PIP5K1C: variants seen among roughly 807,000 people sequenced by gnomAD.
The protein encoded by PIP5K1C is phosphatidylinositol 4-phosphate 5-kinase type-1 gamma.
PIP5K1C carries 45 observed loss-of-function variants against 80.1 expected under a neutral mutation model. That is an observed-to-expected ratio of 0.56 (90% CI 0.44 to 0.72). The LOEUF (loss-of-function observed/expected upper bound fraction) is 0.72, where lower values mean the gene tolerates loss of function less well. PIP5K1C is among the 30% of genes least tolerant of loss of function. The probability of loss-of-function intolerance (pLI) is 0.00; values close to 1 mark genes in which losing one functional copy is unlikely to be tolerated. For synonymous variants in PIP5K1C, 498 were observed against 420.1 expected (o/e 1.19, Z -2.27); for missense variants, 753 against 954.6 (o/e 0.79, Z 2.78).
rs759062696 is a variant in PIP5K1C at position 3,642,932 on chromosome 19, T to G, written c.1657A>C (p.Thr553Pro). 1 of 1,613,506 alleles carries G rather than the reference T, an allele frequency of 6.2e-7. No individual in the cohort carries two copies. The highest frequency in any genetic ancestry group is 1.1e-5 in the South Asian group (1 of 91,084). The change falls in exon 14 of 18, where the codon ACA becomes CCA. Residue 553 changes from threonine to proline, a missense_variant. By Grantham distance (38) the Thr-to-Pro change is conservative. Around this residue, in one of 6 missense-constraint regions of PIP5K1C, gnomAD observed 315 missense variants for 294.5 expected, o/e 1.07. Transcript: ENST00000335312. ...CTGCCATCCTGTCCAGACGACTGTG[T>G]GCGCCGCCTGCAGAGATACAGCAAA... The part of the protein sequence containing the change: ...TSEQPRYRRR[T>P]QSSGQDGRPQ...
chr19:3,667,866 GAGGGGGGGCAGGCCCC>G (rs1238695488), intron 1 of PIP5K1C, among the ~76,000 whole-genome samples: 2 of 152,214 alleles, frequency 1.3e-5, no homozygotes, highest in Non-Finnish European at 2.9e-5. Flanking sequence ...CGTGGGGAGT[GAGGGGGGGCAGGCCCC>G]CGCTGGGGCG....
chr19:3,665,050 C>T (rs1046554631), intron 2 of PIP5K1C, 136 bp from the exon 3 acceptor site: 22 of 757,926 alleles, frequency 2.9e-5, no homozygotes, highest in African/African-American at 2.1e-4. Flanking sequence ...CAGGTCCAGG[C>T]GACTCCGGGG....
At chr19:3,698,120 G>A (rs1280878059) in intron 1 of PIP5K1C, among the ~76,000 whole-genome samples, 1 of 152,250 alleles carries the variant, frequency 6.6e-6, no homozygotes, top group Non-Finnish European at 1.5e-5. Context: ...GGAAGGTGTC[G>A]CCATCGCTTC....
intron 6 of PIP5K1C, among the ~76,000 whole-genome samples, chr19:3,655,798 G>A (rs968243650): frequency 6.6e-6 from 1 of 152,184 alleles, no homozygotes. Flanking sequence ...TGGCAACATG[G>A]AAGGCGCCCA....
rs962231851 is a variant in PIP5K1C at position 3,688,018 on chromosome 19, C to T, written c.94+12279G>A. 2.6e-5 allele frequency among the ~76,000 whole-genome samples: 4 copies of T among 152,188 alleles called. No homozygotes were observed. The highest frequency in any genetic ancestry group is 6.5e-5 in the Admixed American group (1 of 15,286). ...GGGGCAGGAGGCTGTGGGGCGTGGC[C>T]AGCCCGCAGGTGGCGGGGCCGACGG... On this transcript the variant is annotated intron_variant, in intron 1 of 17. Coordinates refer to ENST00000335312, the MANE Select transcript of PIP5K1C (RefSeq NM_012398.3). This position sits in a 1 kb window ranked among gnomAD's most constrained non-coding sequence, Gnocchi z 5.3.
At chr19:3,647,431 C>T in intron 9 of PIP5K1C, 45 bp from the exon 10 acceptor site, 1 of 1,526,778 alleles carries the variant, frequency 6.5e-7, no homozygotes, top group Non-Finnish European at 8.9e-7. Context: ...CAGCCAAGCC[C>T]ATGCCAGGCC....
chr19:3,675,437 G>T (rs1600056766), intron 1 of PIP5K1C, among the ~76,000 whole-genome samples: 1 of 152,148 alleles, frequency 6.6e-6, no homozygotes, highest in Non-Finnish European at 1.5e-5. Flanking sequence ...TCTGCTGCAG[G>T]CTGGAGCTTC....
chr19:3,692,426 C>T lies in PIP5K1C; in HGVS notation c.94+7871G>A, dbSNP rs1029392422. Among the ~76,000 whole-genome samples, 1 of 152,200 alleles carries T rather than the reference C, an allele frequency of 6.6e-6. No individual in the cohort carries two copies. The highest frequency in any genetic ancestry group is 1.5e-5 in the Non-Finnish European group (1 of 68,020). On this transcript the variant is annotated intron_variant, in intron 1 of 17. Coordinates refer to ENST00000335312, the MANE Select transcript of PIP5K1C (RefSeq NM_012398.3). The surrounding 1 kb of genome is among the most constrained non-coding windows in gnomAD (Gnocchi z 5.2). The stretch of plus-strand genomic sequence containing the variant: ...CCCATGCTGCCCTTCCTGCATCCAT[C>T]TTGGCTGAGGGCAGCTCTGTCCTTC...
At chr19:3,654,348 C>T (rs916200177) in intron 6 of PIP5K1C, among the ~76,000 whole-genome samples, 2 of 152,220 alleles carry the variant, frequency 1.3e-5, no homozygotes, top group Admixed American at 6.5e-5. Flanking sequence ...AATGACGAAC[C>T]CAGTGGGAAG....
intron 1 of PIP5K1C, among the ~76,000 whole-genome samples, chr19:3,674,883 A>G (rs1383603065): frequency 6.6e-6 from 1 of 152,244 alleles, no homozygotes; most frequent in African/African-American, 2.4e-5. Context: ...TCAAAGAAGC[A>G]TTAATAATCT....
chr19:3,653,891 C>T (rs1483938913), intron 6 of PIP5K1C, among the ~76,000 whole-genome samples: 4 of 152,260 alleles, frequency 2.6e-5, no homozygotes, highest in African/African-American at 7.2e-5. Context: ...ACAGACATCG[C>T]CCTGGCTGGG....
chr19:3,650,798 C>T (rs1359529516), intron 8 of PIP5K1C, among the ~76,000 whole-genome samples: 1 of 152,184 alleles, frequency 6.6e-6, no homozygotes, highest in Non-Finnish European at 1.5e-5. Context: ...CTCTTGTTGC[C>T]CAGGCTGGAG....
At position 3,637,562 on chromosome 19, in the gene PIP5K1C, C is replaced by A. The variant is rs1478538546; in HGVS notation, c.1920+1322G>T. ...GTCCCCGAGGCGCTCAGCGTCACGG[C>A]CCGCAGTCGGCGATGGCGGGGAGAG... On this transcript the variant is annotated intron_variant, in intron 16 of 17. Transcript: ENST00000335312. This position sits in a 1 kb window ranked among gnomAD's most constrained non-coding sequence, Gnocchi z 7.0. The A allele has an allele frequency of 6.5e-7, 1 of 1,534,958 alleles. No homozygotes were observed. The highest frequency in any genetic ancestry group is 8.7e-7 in the Non-Finnish European group (1 of 1,146,276).
intron 1 of PIP5K1C, among the ~76,000 whole-genome samples, chr19:3,697,039 G>T (rs1245144056): frequency 1.3e-5 from 2 of 151,852 alleles, no homozygotes; most frequent in African/African-American, 2.4e-5. Flanking sequence ...CTGGACAAAG[G>T]AGGACTGAGC....
chr19:3,662,076 G>T (rs781770215), intron 3 of PIP5K1C, 75 bp from the exon 4 acceptor site: 29 of 1,500,836 alleles, frequency 1.9e-5, no homozygotes, highest in Middle Eastern at 2.2e-4. Context: ...GCACCGGGGG[G>T]TGGAGATCGT....
intron 8 of PIP5K1C, among the ~76,000 whole-genome samples, chr19:3,649,034 G>A (rs1042302702): frequency 1.3e-5 from 2 of 152,104 alleles, no homozygotes; most frequent in African/African-American, 4.8e-5. Context: ...CTCAGGTACA[G>A]ACTGGGGAGT....
intron 5 of PIP5K1C, among the ~76,000 whole-genome samples, chr19:3,656,842 G>T (rs1384975549): frequency 6.6e-6 from 1 of 152,218 alleles, no homozygotes; most frequent in African/African-American, 2.4e-5. Context: ...GCACCGGGGT[G>T]CTGACGCGCG....
chr19:3,667,633 G>C (rs1289329474), intron 1 of PIP5K1C, among the ~76,000 whole-genome samples: 1 of 152,226 alleles, frequency 6.6e-6, no homozygotes, highest in Non-Finnish European at 1.5e-5. Context: ...TGGGCAGCTG[G>C]TGACGCCTAG....
chr19:3,684,038 G>A (rs10410889), intron 1 of PIP5K1C, among the ~76,000 whole-genome samples: 1,974 of 144,802 alleles, frequency 0.014, 56 homozygotes, highest in African/African-American at 0.046. Context: ...CAGCAGGCCC[G>A]GCCCCCAGCA....
Sources: allele counts gnomAD v4.1 joint callset (sites outside exome capture counted in the v4.1 genomes callset), GRCh38; gene constraint gnomAD v4.1.1; regional missense constraint gnomAD v4.1.1; non-coding constraint Gnocchi (gnomAD v3.1); transcripts MANE v1.5; gene names NCBI Gene and HGNC (gene_info 2026-07-23, HGNC 2026-07-21).